The following RNGTT variants were observed in gnomAD, a reference collection of about 807,000 sequenced individuals.
RNGTT encodes the protein mRNA-capping enzyme.
In RNGTT, 33 loss-of-function variants were observed where a neutral mutation model predicts 79.3. That is an observed-to-expected ratio of 0.42 (90% CI 0.32 to 0.56). RNGTT has a LOEUF of 0.56. Ranked by LOEUF, RNGTT falls within the 20% of genes least tolerant of loss-of-function variation. RNGTT has a pLI of 0.17. For missense variants in RNGTT, 497 were observed against 739.1 expected, an observed-to-expected ratio of 0.67 and a Z score of 3.80; for synonymous variants, 222 against 235.9, an observed-to-expected ratio of 0.94 and a Z score of 0.54.
chr6:88,765,036 C>G (rs553197243), intron 13 of RNGTT, among the ~76,000 whole-genome samples: 3 of 151,690 alleles, frequency 2.0e-5, no homozygotes, highest in Non-Finnish European at 4.4e-5. Flanking sequence ...ACTAAAAATA[C>G]AAAAAATTAG....
chr6:88,626,852 C>T (rs1772653104), intron 14 of RNGTT, among the ~76,000 whole-genome samples: 1 of 152,038 alleles, frequency 6.6e-6, no homozygotes, highest in Non-Finnish European at 1.5e-5. Flanking sequence ...ACAAGCAGCT[C>T]TGCCAGGTAA....
intron 6 of RNGTT, among the ~76,000 whole-genome samples, chr6:88,899,893 C>T (rs1783387220): frequency 6.6e-6 from 1 of 152,132 alleles, no homozygotes; most frequent in Non-Finnish European, 1.5e-5. Context: ...ATTCCCCACA[C>T]TTTCAATGAA....
intron 14 of RNGTT, among the ~76,000 whole-genome samples, chr6:88,651,813 T>G (rs1661312805): frequency 6.6e-6 from 1 of 152,028 alleles, no homozygotes; most frequent in African/African-American, 2.4e-5. Context: ...CTAATAACAC[T>G]TAGAAAGCAA....
chr6:88,876,956 T>C (rs960066010), intron 8 of RNGTT, among the ~76,000 whole-genome samples: 2 of 152,228 alleles, frequency 1.3e-5, no homozygotes, highest in African/African-American at 4.8e-5. Context: ...AGACAGTATC[T>C]CTATTAACTA....
intron 13 of RNGTT, among the ~76,000 whole-genome samples, chr6:88,704,074 G>A (rs896327980): frequency 4.1e-4 from 61 of 147,926 alleles, no homozygotes; most frequent in African/African-American, 1.5e-3. Flanking sequence ...GCTGGCTAAC[G>A]TGGTGAAACT....
At chr6:88,866,203 C>T (rs1379279040) in intron 8 of RNGTT, among the ~76,000 whole-genome samples, 2 of 152,140 alleles carry the variant, frequency 1.3e-5, no homozygotes, top group African/African-American at 4.8e-5. Context: ...GAATATGCTT[C>T]CTCCTCCTTT....
chr6:88,766,039 T>C (rs1228866933), intron 13 of RNGTT, among the ~76,000 whole-genome samples: 1 of 152,144 alleles, frequency 6.6e-6, no homozygotes, highest in East Asian at 1.9e-4. Context: ...TTTGTTTTGA[T>C]TAAAACAATA....
chr6:88,695,091 A>C (rs1198967572), intron 13 of RNGTT, among the ~76,000 whole-genome samples: 1 of 152,206 alleles, frequency 6.6e-6, no homozygotes, highest in Admixed American at 6.5e-5. Flanking sequence ...CAAAAACTAC[A>C]TAACATTGGT....
chr6:88,877,872 G>A (rs1199750563), intron 8 of RNGTT, among the ~76,000 whole-genome samples: 1 of 152,074 alleles, frequency 6.6e-6, no homozygotes, highest in African/African-American at 2.4e-5. Context: ...AAACTGGCCT[G>A]GATCCCTAAC....
At chr6:88,704,573 AT>A (rs1332547418) in intron 13 of RNGTT, among the ~76,000 whole-genome samples, 1 of 152,044 alleles carries the variant, frequency 6.6e-6, no homozygotes, top group Non-Finnish European at 1.5e-5. Flanking sequence ...TAGCATCTTA[AT>A]TTTTTTCCAC....
chr6:88,963,331 C>A lies in RNGTT; in HGVS notation c.64+15G>T, dbSNP rs569581978. On this transcript the variant is annotated intron_variant, in intron 1 of 15. Transcript: ENST00000369485. ...TTGGAGTGTGGGGATTCGAACGCCC[C>A]CCAGTCCAGGTTACCTGCCACCGGC... 1.2e-6 allele frequency: 2 copies of A among 1,612,102 alleles called. No individual in the cohort carries two copies. The highest frequency in any genetic ancestry group is 3.3e-5 in the Admixed American group (2 of 59,942).
At chr6:88,642,012 T>C (rs956145128) in intron 14 of RNGTT, among the ~76,000 whole-genome samples, 1 of 151,944 alleles carries the variant, frequency 6.6e-6, no homozygotes, top group Non-Finnish European at 1.5e-5. Flanking sequence ...ACAGAAGAAT[T>C]AGCTACCTTG....
intron 8 of RNGTT, among the ~76,000 whole-genome samples, chr6:88,861,437 C>T (rs533717989): frequency 2.0e-5 from 3 of 152,260 alleles, no homozygotes; most frequent in African/African-American, 7.2e-5. Flanking sequence ...GCCTGTTTCT[C>T]TCATTACCTC....
intron 14 of RNGTT, among the ~76,000 whole-genome samples, chr6:88,619,123 A>G (rs964038057): frequency 1.3e-5 from 2 of 151,726 alleles, no homozygotes; most frequent in African/African-American, 4.8e-5. Flanking sequence ...ATGTCTTTTT[A>G]TCTTGCTTCC....
At position 88,845,883 on chromosome 6, in the gene RNGTT, T is replaced by G. The variant is rs186940321; in HGVS notation, c.1105-1362A>C. Reference sequence around the variant, plus strand: ...TCCATGTGTCATCTCTTCTATGCAATCAACATCATCAACAAGGTTGAAAAA... The same window carrying G: ...TCCATGTGTCATCTCTTCTATGCAAGCAACATCATCAACAAGGTTGAAAAA... On this transcript the variant is annotated intron_variant, in intron 10 of 15. Transcript: ENST00000369485. Among the ~76,000 whole-genome samples the G allele has an allele frequency of 2.0e-5, 3 of 152,194 alleles. No homozygotes were observed. The East Asian group carries it at 5.8e-4, about 29-fold the overall frequency.
chr6:88,738,123 T>C (rs1777345762), intron 13 of RNGTT, among the ~76,000 whole-genome samples: 2 of 152,196 alleles, frequency 1.3e-5, no homozygotes, highest in African/African-American at 4.8e-5. Flanking sequence ...GTATGTACTC[T>C]TGATACAGTG....
chr6:88,764,688 C>T (rs2127838823), intron 13 of RNGTT, among the ~76,000 whole-genome samples: 1 of 152,234 alleles, frequency 6.6e-6, no homozygotes, highest in African/African-American at 2.4e-5. Flanking sequence ...AGTCACCATG[C>T]TATGTACTAA....
intron 12 of RNGTT, among the ~76,000 whole-genome samples, chr6:88,776,321 C>CTTT (rs34732511): frequency 2.2e-5 from 3 of 139,468 alleles, no homozygotes; most frequent in African/African-American, 7.9e-5. Context: ...ACCTTTTGAC[C>CTTT]TTTTTTTTTT....
At chr6:88,918,097 C>T (rs1228554723) in intron 4 of RNGTT, among the ~76,000 whole-genome samples, 1 of 152,098 alleles carries the variant, frequency 6.6e-6, no homozygotes. Context: ...GCGGGAATAT[C>T]ACTTGAGGCC....
Sources: allele counts gnomAD v4.1 joint callset (sites outside exome capture counted in the v4.1 genomes callset), GRCh38; gene constraint gnomAD v4.1.1; transcripts MANE v1.5; gene names NCBI Gene and HGNC (gene_info 2026-07-23, HGNC 2026-07-21).